Variants in NDUFV2 observed in about 807,000 individuals in gnomAD.
The protein encoded by NDUFV2 is NADH:ubiquinone oxidoreductase core subunit V2.
Under a neutral mutation model 31.6 loss-of-function variants are expected in NDUFV2, and 18 were observed. The ratio of observed to expected loss-of-function variants is 0.57; its 90% CI spans 0.39 to 0.84. The LOEUF is 0.84. Ranked by LOEUF, NDUFV2 falls within the 40% of genes least tolerant of loss-of-function variation. NDUFV2 has a pLI of 0.00. For missense variants in NDUFV2, 314 were observed against 303.6 expected, an observed-to-expected ratio of 1.03 and a Z score of -0.26; for synonymous variants, 83 against 99.8, an observed-to-expected ratio of 0.83 and a Z score of 1.01.
intron 7 of NDUFV2, among the ~76,000 whole-genome samples, chr18:9,130,560 G>A (rs1329207883): frequency 6.6e-6 from 1 of 152,146 alleles, no homozygotes; most frequent in Non-Finnish European, 1.5e-5. Flanking sequence ...TGTCTTGTCA[G>A]CATATGAAAA....
At chr18:9,112,283 C>CT (rs1375653660) in intron 1 of NDUFV2, 1 of 152,144 alleles carries the variant, frequency 6.6e-6, no homozygotes, top group Non-Finnish European at 1.5e-5. Flanking sequence ...TCCCAAAGTG[C>CT]TGGGTTTACA....
chr18:9,131,816 C>T (rs2078042721), intron 7 of NDUFV2, among the ~76,000 whole-genome samples: 1 of 151,914 alleles, frequency 6.6e-6, no homozygotes, highest in Non-Finnish European at 1.5e-5. Context: ...GCATTTTAAG[C>T]ATGAGATATC....
In NDUFV2 at chr18:9,119,490, TAAA is replaced by T. The variant is rs750082630; in HGVS notation, c.204_206del (p.Lys68del). 3.1e-6 allele frequency: 5 copies of T among 1,613,722 alleles called. No individual in the cohort carries two copies. The Admixed American group carries it at 8.3e-5, about 27-fold the overall frequency. ...TTTATACAGAGGATAGAGGCAATTG[TAAA>T]AAACTATCCAGAAGGCCATAAAGCA... is the stretch of plus-strand genomic sequence containing the variant. On this transcript the variant is annotated inframe_deletion, in exon 4 of 8. Transcript: ENST00000318388.
intron 1 of NDUFV2, 72 bp downstream of exon 1, chr18:9,102,869 G>A (rs1326465041): frequency 6.7e-7 from 1 of 1,487,672 alleles, no homozygotes; most frequent in Non-Finnish European, 9.0e-7. Flanking sequence ...CTTAGTTTTG[G>A]GCGCAGGAGA....
In NDUFV2 at chr18:9,131,717, A is replaced by G. The variant is rs543437324; in HGVS notation, c.657-2469A>G. Among the ~76,000 whole-genome samples, 21 of 152,352 alleles carry G rather than the reference A, an allele frequency of 1.4e-4. No homozygotes were observed. In the South Asian group the frequency reaches 1.9e-3, roughly 14 times the overall value. On this transcript the variant is annotated intron_variant, in intron 7 of 7. Transcript: ENST00000318388. ...AAAGGCCAAGTTTTCTAGAAAGCAA[A>G]TAAGTTAAAATGGTACACATACGTA...
At chr18:9,110,425 A>G (rs1184122383) in intron 1 of NDUFV2, among the ~76,000 whole-genome samples, 2 of 152,108 alleles carry the variant, frequency 1.3e-5, no homozygotes, top group Non-Finnish European at 2.9e-5. Flanking sequence ...GATGAATAAC[A>G]GTTTATGCCA....
intron 1 of NDUFV2, among the ~76,000 whole-genome samples, chr18:9,113,067 G>GTT (rs2077879837): frequency 6.6e-6 from 1 of 152,108 alleles, no homozygotes; most frequent in African/African-American, 2.4e-5. Flanking sequence ...CAACAAAACA[G>GTT]TTAAAAGCTC....
chr18:9,117,773 ATTTC>A (rs946378099), intron 1 of NDUFV2, 61 bp from the exon 2 acceptor site: 66 of 896,308 alleles, frequency 7.4e-5, no homozygotes, highest in Non-Finnish European at 1.1e-4. Flanking sequence ...ATCCTAAAGT[ATTTC>A]TTTATGAAAA....
intron 1 of NDUFV2, among the ~76,000 whole-genome samples, chr18:9,106,310 G>GT (rs1452297385): frequency 1.3e-5 from 2 of 152,136 alleles, no homozygotes; most frequent in African/African-American, 2.4e-5. Flanking sequence ...AACCTCATTG[G>GT]TTTTTTATGA....
intron 7 of NDUFV2, among the ~76,000 whole-genome samples, chr18:9,129,242 C>T (rs2078019599): frequency 6.6e-6 from 1 of 152,100 alleles, no homozygotes; most frequent in Non-Finnish European, 1.5e-5. Context: ...CGCCCGGCCA[C>T]TTTGGCGTTT....
intron 1 of NDUFV2, chr18:9,104,810 A>T: frequency 1.1e-6 from 1 of 888,834 alleles, no homozygotes; most frequent in Non-Finnish European, 1.5e-6. Flanking sequence ...AATTTTTATT[A>T]CACACGTCAT....
rs9956273 is a variant in NDUFV2 at position 9,124,745 on chromosome 18, G to T, written c.470-129G>T. On this transcript the variant is annotated intron_variant, in intron 5 of 7. Transcript: ENST00000318388. Reference sequence around the variant, plus strand: ...TTACAGGCGTGAGCCACCGCGCCTGGCCTCTTTTTAAAAAACTTAATAGTC... The same window carrying T: ...TTACAGGCGTGAGCCACCGCGCCTGTCCTCTTTTTAAAAAACTTAATAGTC... 1.0e-3 allele frequency: 938 copies of T among 927,310 alleles called. 6 individuals carry two copies. In the African/African-American group the frequency reaches 0.014, roughly 14 times the overall value. The allele number at this position is 927,310 out of a possible 1,614,324, so 57.4% of individuals were successfully genotyped here.
At chr18:9,108,378 A>G (rs1236376929) in intron 1 of NDUFV2, among the ~76,000 whole-genome samples, 1 of 152,232 alleles carries the variant, frequency 6.6e-6, no homozygotes, top group Non-Finnish European at 1.5e-5. Flanking sequence ...TTAGTGGTTA[A>G]GGCATGTACT....
At chr18:9,111,657 G>A (rs569225051) in intron 1 of NDUFV2, among the ~76,000 whole-genome samples, 1 of 152,050 alleles carries the variant, frequency 6.6e-6, no homozygotes, top group Admixed American at 6.5e-5. Flanking sequence ...TCGAACTCAT[G>A]ACCTCAGGTG....
At chr18:9,131,042 G>C (rs1171265632) in intron 7 of NDUFV2, among the ~76,000 whole-genome samples, 1 of 152,196 alleles carries the variant, frequency 6.6e-6, no homozygotes, top group Admixed American at 6.5e-5. Context: ...ATAGCCTGCA[G>C]TTGTCTGAAG....
intron 4 of NDUFV2, among the ~76,000 whole-genome samples, chr18:9,120,112 T>G (rs1252056320): frequency 6.6e-6 from 1 of 152,184 alleles, no homozygotes; most frequent in Non-Finnish European, 1.5e-5. Flanking sequence ...AGTTACTCTA[T>G]TCATATAATA....
At chr18:9,105,224 T>C (rs909479086) in intron 1 of NDUFV2, among the ~76,000 whole-genome samples, 2 of 152,256 alleles carry the variant, frequency 1.3e-5, no homozygotes, top group African/African-American at 4.8e-5. Context: ...GAGAAACCTT[T>C]AAAGATTATT....
At chr18:9,114,591 T>C (rs1447918917) in intron 1 of NDUFV2, among the ~76,000 whole-genome samples, 1 of 152,166 alleles carries the variant, frequency 6.6e-6, no homozygotes, top group Non-Finnish European at 1.5e-5. Flanking sequence ...CCCTGTTTTA[T>C]AGGTACAGAA....
intron 1 of NDUFV2, among the ~76,000 whole-genome samples, chr18:9,114,166 C>T (rs2077885534): frequency 1.3e-5 from 2 of 152,284 alleles, no homozygotes; most frequent in Admixed American, 1.3e-4. Context: ...AATCTTTCTA[C>T]CAGCCTATTT....
Sources: allele counts gnomAD v4.1 joint callset (sites outside exome capture counted in the v4.1 genomes callset), GRCh38; gene constraint gnomAD v4.1.1; transcripts MANE v1.5; gene names NCBI Gene and HGNC (gene_info 2026-07-23, HGNC 2026-07-21).